The following ATXN2 variants were observed in gnomAD, a reference collection of about 807,000 sequenced individuals.
The protein encoded by ATXN2 is ataxin-2.
A neutral mutation model predicts 138.6 loss-of-function variants in ATXN2; 37 were observed. The ratio of observed to expected loss-of-function variants is 0.27; its 90% CI spans 0.21 to 0.35. The LOEUF is 0.35. ATXN2 is among the 10% of genes least tolerant of loss of function. The pLI, the probability that ATXN2 is intolerant of heterozygous loss-of-function variation, is 1.00. For missense variants in ATXN2, 1,216 were observed against 1,480.3 expected, an observed-to-expected ratio of 0.82 and a Z score of 2.93; for synonymous variants, 549 against 543.7, an observed-to-expected ratio of 1.01 and a Z score of -0.13.
intron 5 of ATXN2, among the ~76,000 whole-genome samples, chr12:111,533,464 A>T (rs868041287): frequency 6.6e-6 from 1 of 152,210 alleles, no homozygotes; most frequent in Non-Finnish European, 1.5e-5. Context: ...AATGACAAGA[A>T]AAAAAGTCTG....
chr12:111,599,548 G>A (rs750664953), upstream of ATXN2: 259 of 1,188,266 alleles, frequency 2.2e-4, no homozygotes, highest in Admixed American at 6.4e-4. Flanking sequence ...CCGGGTGGGA[G>A]CGGAGGTGCG....
At chr12:111,489,076 C>G (rs1372040093) in intron 14 of ATXN2, among the ~76,000 whole-genome samples, 1 of 152,148 alleles carries the variant, frequency 6.6e-6, no homozygotes, top group East Asian at 1.9e-4. Flanking sequence ...GAAATAGTTT[C>G]TATCCTCTTA....
chr12:111,558,670 G>A (rs1370949115), intron 1 of ATXN2, among the ~76,000 whole-genome samples: 2 of 152,086 alleles, frequency 1.3e-5, no homozygotes, highest in Admixed American at 6.6e-5. Context: ...GGTGGCACAC[G>A]CCTGTGGTCC....
At chr12:111,518,719 A>C (rs1001954015) in intron 8 of ATXN2, among the ~76,000 whole-genome samples, 3 of 151,998 alleles carry the variant, frequency 2.0e-5, no homozygotes, top group African/African-American at 7.3e-5. Flanking sequence ...GTCTATCTTC[A>C]CAACATTTTT....
chr12:111,597,228 A>C (rs1463989698), intron 1 of ATXN2, among the ~76,000 whole-genome samples: 3 of 152,214 alleles, frequency 2.0e-5, no homozygotes, highest in African/African-American at 7.2e-5. Flanking sequence ...AATTCCTTAA[A>C]AACCAGCTGA....
Position 111,488,742 on chromosome 12 carries a change from T to C in ATXN2, c.1974A>G (p.Leu658=). The C allele has an allele frequency of 6.2e-7, 1 of 1,610,070 alleles. No homozygotes were observed. Among genetic ancestry groups the C allele is most frequent in the Non-Finnish European group, 8.5e-7 (1 of 1,177,302 alleles). Residue 658 remains leucine, a synonymous_variant, in exon 15 of 25, where the codon CTA becomes CTG. Coordinates refer to ENST00000673436, the MANE Select transcript of ATXN2 (RefSeq NM_001372574.1). ...TTTCTCCCTCTCTATTTTTGTTTAGTAGTTGATCCATAGATTCAGAAGTAG... is the reference window on the plus strand; with the variant it reads ...TTTCTCCCTCTCTATTTTTGTTTAGCAGTTGATCCATAGATTCAGAAGTAG... The part of the protein sequence containing the change: ...PSSTSESMDQ[L]LNKNREGEKS...
chr12:111,490,211 T>TA (rs1877932483), intron 14 of ATXN2, among the ~76,000 whole-genome samples: 1 of 139,950 alleles, frequency 7.1e-6, no homozygotes, highest in Non-Finnish European at 1.6e-5. Flanking sequence ...CATCTAAAAA[T>TA]TAAAAAAAAA....
rs1307529862 is a variant in ATXN2, at chr12:111,483,188, AACACATACACACACAC to A, written c.2524+2061_2524+2076del. Among the ~76,000 whole-genome samples the A allele has an allele frequency of 3.0e-3, 361 of 119,008 alleles. 2 individuals are homozygous for A. Among genetic ancestry groups the A allele is most frequent in the African/African-American group, 0.01 (272 of 27,048 alleles). The allele number at this position is 119,008 out of a possible 152,430, so 78.1% of individuals were successfully genotyped here. A position where few individuals can be genotyped will look rare whatever the true frequency, so the allele number is the denominator to read the frequency against. ...AGCAGCAAAGCAAGACCCTGTATCA[AACACATACACACACAC>A]ACACACACACACACACACACACACA... On this transcript the variant is annotated intron_variant, in intron 18 of 24. Coordinates refer to ENST00000673436, the MANE Select transcript of ATXN2 (RefSeq NM_001372574.1).
chr12:111,555,926 A>G lies in ATXN2; in HGVS notation c.252-7T>C. On this transcript the variant is annotated splice_polypyrimidine_tract_variant and splice_region_variant and intron_variant, in intron 1 of 24. Transcript: ENST00000673436. ...TTTGTTACTGTTTCGACCTCTGAAA[A>G]GATTAAATATTATTTTTATTAAATT... The G allele has an allele frequency of 6.3e-7, 1 of 1,588,786 alleles. No homozygotes were observed. The highest frequency in any genetic ancestry group is 1.4e-5 in the African/African-American group (1 of 73,658).
Position 111,552,623 on chromosome 12 carries a change from T to C in ATXN2, c.421-193A>G. 1 of 650,598 alleles carries C rather than the reference T, an allele frequency of 1.5e-6. No homozygotes were observed. The highest frequency in any genetic ancestry group is 2.4e-6 in the Non-Finnish European group (1 of 412,928). 40.3% of individuals were successfully genotyped at this position (650,598 alleles called of 1,614,324 possible). On this transcript the variant is annotated intron_variant, in intron 4 of 24. Transcript: ENST00000673436. This position sits in a 1 kb window ranked among gnomAD's most constrained non-coding sequence, Gnocchi z 4.1. The stretch of plus-strand genomic sequence containing the variant: ...TAAAAATCCTCATATCTAAATGTTT[T>C]TTGTTTCTATGGTTTGTCTTAAGTA...
intron 5 of ATXN2, among the ~76,000 whole-genome samples, chr12:111,542,708 C>T (rs1388268880): frequency 3.3e-5 from 5 of 151,974 alleles, no homozygotes; most frequent in African/African-American, 4.8e-5. Flanking sequence ...CTCATCCTCC[C>T]GCCTCAGCCT....
chr12:111,485,784 G>T lies in ATXN2; in HGVS notation c.2386C>A (p.Pro796Thr), dbSNP rs777883498. 6.2e-7 allele frequency: 1 copy of T among 1,614,178 alleles called. No homozygotes were observed. Among genetic ancestry groups the T allele is most frequent in the South Asian group, 1.1e-5 (1 of 91,086 alleles). ...AAACAAACAGGCTGAGTATAAACTG[G>T]AGTTGGCTGTTGATGACCCACCATA... Reference protein sequence around the residue: ...PSMVGHQQPTPVYTQPVCFAP... With the variant: ...PSMVGHQQPTTVYTQPVCFAP... The change falls in exon 17 of 25, where the codon CCA (proline) becomes ACA (threonine). Residue 796 changes from proline (P) to threonine (T), a missense_variant. Coordinates refer to ENST00000673436, the MANE Select transcript of ATXN2 (RefSeq NM_001372574.1).
intron 5 of ATXN2, among the ~76,000 whole-genome samples, chr12:111,538,022 T>C (rs1257471812): frequency 6.6e-6 from 1 of 150,964 alleles, no homozygotes; most frequent in African/African-American, 2.4e-5. Context: ...CCTGAACCCA[T>C]GAGTTTGAGG....
chr12:111,581,865 C>G, intron 1 of ATXN2: 1 of 284,404 alleles, frequency 3.5e-6, no homozygotes, highest in Non-Finnish European at 6.8e-6. Flanking sequence ...CGCCCTGCCC[C>G]CAGAGCCAAG....
At chr12:111,532,352 C>T (rs1280224875) in intron 5 of ATXN2, among the ~76,000 whole-genome samples, 2 of 149,214 alleles carry the variant, frequency 1.3e-5, no homozygotes, top group Non-Finnish European at 3.0e-5. Flanking sequence ...TGGTGGTGTG[C>T]GCCTGTAATC....
At chr12:111,591,826 A>G (rs989780917) in intron 1 of ATXN2, among the ~76,000 whole-genome samples, 1 of 152,138 alleles carries the variant, frequency 6.6e-6, no homozygotes, top group Non-Finnish European at 1.5e-5. Flanking sequence ...TCATGCCTAT[A>G]ATCCCAGCAC....
At chr12:111,500,981 T>A (rs1161683298) in intron 14 of ATXN2, among the ~76,000 whole-genome samples, 1 of 152,202 alleles carries the variant, frequency 6.6e-6, no homozygotes, top group African/African-American at 2.4e-5. Context: ...TAATTTGTTG[T>A]ACTTTTTAGA....
chr12:111,592,511 G>A (rs541692196), intron 1 of ATXN2, among the ~76,000 whole-genome samples: 31 of 151,930 alleles, frequency 2.0e-4, no homozygotes, highest in Middle Eastern at 3.4e-3. Context: ...GGCCAAGCAC[G>A]GTGGCTCATG....
intron 5 of ATXN2, among the ~76,000 whole-genome samples, chr12:111,549,789 C>T (rs975512689): frequency 3.3e-5 from 5 of 152,070 alleles, no homozygotes; most frequent in East Asian, 1.9e-4. Flanking sequence ...CCTGCCCAGG[C>T]GTGGTGGCTC....
Sources: allele counts gnomAD v4.1 joint callset (sites outside exome capture counted in the v4.1 genomes callset), GRCh38; gene constraint gnomAD v4.1.1; non-coding constraint Gnocchi (gnomAD v3.1); transcripts MANE v1.5; gene names NCBI Gene and HGNC (gene_info 2026-07-23, HGNC 2026-07-21).